PCDHGA3: variants seen among roughly 807,000 people sequenced by gnomAD.
PCDHGA3 encodes protocadherin gamma-A3.
A neutral mutation model predicts 58.5 loss-of-function variants in PCDHGA3; 40 were observed. That is an observed-to-expected ratio of 0.68 (90% CI 0.53 to 0.89). PCDHGA3 has a LOEUF of 0.89. PCDHGA3 is among the 40% of genes least tolerant of loss of function. The pLI is 0.00. For missense variants in PCDHGA3, 1,223 were observed against 1,195.9 expected (o/e 1.02, Z -0.33); for synonymous variants, 530 against 525.7 (o/e 1.01, Z -0.11).
intron 1 of PCDHGA3, chr5:141,394,928 C>T (rs2093129787): frequency 7.4e-6 from 12 of 1,613,838 alleles, no homozygotes; most frequent in Non-Finnish European, 1.0e-5. Context: ...GTGTCTTCCT[C>T]GCCTTTGTCG....
Position 141,476,682 on chromosome 5 carries a change from A to G in PCDHGA3, c.2425-18125A>G, listed in dbSNP as rs987205396. The G allele has an allele frequency of 6.2e-7, 1 of 1,614,072 alleles. No individual in the cohort carries two copies. Among genetic ancestry groups the G allele is most frequent in the African/African-American group, 1.3e-5 (1 of 74,934 alleles). ...GCGCTTCGCGTGCAGACGCGGGAGG[A>G]CAGCACCAAGTACGCGGAGCTGGTG... On this transcript the variant is annotated intron_variant, in intron 1 of 3. Coordinates refer to ENST00000253812, the MANE Select transcript of PCDHGA3 (RefSeq NM_018916.4). The surrounding 1 kb of genome is among the most constrained non-coding windows in gnomAD (Gnocchi z 7.6).
chr5:141,504,242 GTTC>G (rs903218038), intron 2 of PCDHGA3, among the ~76,000 whole-genome samples: 25 of 152,170 alleles, frequency 1.6e-4, no homozygotes, highest in African/African-American at 5.1e-4. Context: ...GAAGCAGAGA[GTTC>G]TTCTTATGGT....
In PCDHGA3 at chr5:141,466,692, A is replaced by G. The variant is rs185786515; in HGVS notation, c.2425-28115A>G. Among the ~76,000 whole-genome samples the G allele has an allele frequency of 3.0e-4, 46 of 152,280 alleles. 1 individual carries two copies. The highest frequency in any genetic ancestry group is 1.0e-3 in the African/African-American group (43 of 41,558). On this transcript the variant is annotated intron_variant, in intron 1 of 3. Coordinates refer to ENST00000253812, the MANE Select transcript of PCDHGA3 (RefSeq NM_018916.4). ...ACCGTTCTTCCACTCAAGCTTCATCATAAATTTGATGTCTGTTCTTGTTTC... is the reference window on the plus strand; with the variant it reads ...ACCGTTCTTCCACTCAAGCTTCATCGTAAATTTGATGTCTGTTCTTGTTTC...
At chr5:141,386,719 C>A (rs1487131983) in intron 1 of PCDHGA3, among the ~76,000 whole-genome samples, 1 of 152,104 alleles carries the variant, frequency 6.6e-6, no homozygotes, top group African/African-American at 2.4e-5. Flanking sequence ...CTGACACCAA[C>A]AATGTTACTG....
chr5:141,414,498 C>CT (rs748856262), intron 1 of PCDHGA3: 40 of 1,613,848 alleles, frequency 2.5e-5, no homozygotes, highest in Non-Finnish European at 3.3e-5. Context: ...CGGAAGCTCA[C>CT]TTTATGCTAC....
At chr5:141,395,131 C>G in intron 1 of PCDHGA3, 1 of 1,614,202 alleles carries the variant, frequency 6.2e-7, no homozygotes, top group Non-Finnish European at 8.5e-7. Flanking sequence ...TTTCCCCAGC[C>G]CAACTACGCA....
chr5:141,449,830 T>G (rs1316368063), intron 1 of PCDHGA3, among the ~76,000 whole-genome samples: 1 of 151,724 alleles, frequency 6.6e-6, no homozygotes, highest in Non-Finnish European at 1.5e-5. Flanking sequence ...AAGGACATTC[T>G]TTTATATAAT....
chr5:141,384,766 A>G, intron 1 of PCDHGA3: 2 of 1,613,916 alleles, frequency 1.2e-6, no homozygotes, highest in Non-Finnish European at 1.7e-6. Flanking sequence ...TGGGCTGTAC[A>G]CGGGCGAGGT....
At chr5:141,506,191 C>T (rs932500250) in intron 3 of PCDHGA3, among the ~76,000 whole-genome samples, 8 of 152,182 alleles carry the variant, frequency 5.3e-5, no homozygotes, top group African/African-American at 1.9e-4. Flanking sequence ...TGGCTCACGC[C>T]TGTAATCCCA....
chr5:141,506,434 C>A lies in PCDHGA3; in HGVS notation c.2572+953C>A, dbSNP rs139627189. Among the ~76,000 whole-genome samples the A allele has an allele frequency of 8.5e-4, 112 of 131,752 alleles. 2 individuals are homozygous for A. The highest frequency in any genetic ancestry group is 3.3e-3 in the African/African-American group (107 of 32,408). 86.4% of individuals were successfully genotyped at this position (131,752 alleles called of 152,430 possible). ...TGCACTCCAGCCTGGGCAACAGTCT[C>A]GCTCTGTCTCAAAAAAAAAAAAAAA... On this transcript the variant is annotated intron_variant, in intron 3 of 3. Transcript: ENST00000253812.
At chr5:141,409,813 C>T in intron 1 of PCDHGA3, 2 of 1,611,170 alleles carry the variant, frequency 1.2e-6, no homozygotes, top group African/African-American at 1.3e-5. Flanking sequence ...CCCGCGACCA[C>T]GGCTCGCCCA....
intron 1 of PCDHGA3, 157 bp from the exon 2 acceptor site, chr5:141,494,645 GTGTAT>G: frequency 1.1e-6 from 1 of 935,948 alleles, no homozygotes; most frequent in Non-Finnish European, 1.3e-6. Context: ...GAGACCTGAG[GTGTAT>G]TTTGTCTTTG....
chr5:141,361,403 C>G (rs376882541), intron 1 of PCDHGA3: 10 of 1,613,932 alleles, frequency 6.2e-6, no homozygotes, highest in Non-Finnish European at 7.6e-6. Context: ...CTCACCATCA[C>G]AGCCACCGAC....
intron 1 of PCDHGA3, chr5:141,417,924 T>C (rs1197566429): frequency 1.9e-6 from 3 of 1,609,340 alleles, no homozygotes; most frequent in Admixed American, 1.7e-5. Flanking sequence ...CCTTTGCTGC[T>C]GCCTTTGTTC....
chr5:141,362,160 C>T (rs1215188936), intron 1 of PCDHGA3: 4 of 1,614,070 alleles, frequency 2.5e-6, no homozygotes, highest in Non-Finnish European at 3.4e-6. Context: ...TGCCAGACCT[C>T]AGCGACCGCC....
At chr5:141,370,007 A>G (rs1350230524) in intron 1 of PCDHGA3, among the ~76,000 whole-genome samples, 1 of 152,272 alleles carries the variant, frequency 6.6e-6, no homozygotes, top group South Asian at 2.1e-4. Flanking sequence ...AAATTAAAAG[A>G]AATAACAGAC....
intron 1 of PCDHGA3, among the ~76,000 whole-genome samples, chr5:141,442,913 AACT>A (rs1163578304): frequency 6.6e-6 from 1 of 152,214 alleles, no homozygotes. Flanking sequence ...TTCAGCACAC[AACT>A]GTTTCATTTT....
chr5:141,466,552 G>C lies in PCDHGA3; in HGVS notation c.2425-28255G>C, dbSNP rs913019489. On this transcript the variant is annotated intron_variant, in intron 1 of 3. Coordinates refer to ENST00000253812, the MANE Select transcript of PCDHGA3 (RefSeq NM_018916.4). ...ATTGATGTAGATGGTCTTTTGCTGTGGGCTTCATCTTCAACATTGTCTCAT... is the reference window on the plus strand; with the variant it reads ...ATTGATGTAGATGGTCTTTTGCTGTCGGCTTCATCTTCAACATTGTCTCAT... 2.6e-5 allele frequency among the ~76,000 whole-genome samples: 4 copies of C among 152,144 alleles called. No homozygotes were observed. The South Asian group carries it at 8.3e-4, about 32-fold the overall frequency.
chr5:141,403,053 C>T (rs754618954), intron 1 of PCDHGA3: 2 of 1,614,076 alleles, frequency 1.2e-6, no homozygotes, highest in Non-Finnish European at 1.7e-6. Context: ...ATTCGCTACT[C>T]AGTGCCTGAA....
Sources: gnomAD v4.1 joint callset for allele counts (sites outside exome capture counted in the v4.1 genomes callset) on GRCh38, gnomAD v4.1.1 for gene constraint, Gnocchi (gnomAD v3.1) non-coding constraint, MANE v1.5 for transcripts, NCBI Gene and HGNC (gene_info 2026-07-23, HGNC 2026-07-21) for gene names.